Variants in PTPRD observed in about 807,000 individuals in gnomAD.
The protein encoded by PTPRD is protein tyrosine phosphatase receptor type D.
PTPRD carries 34 observed loss-of-function variants against 214.5 expected under a neutral mutation model. That is an observed-to-expected ratio of 0.16 (90% CI 0.12 to 0.21). The LOEUF is 0.21. Ranked by LOEUF, PTPRD falls within the 10% of genes least tolerant of loss-of-function variation. The pLI is 1.00. For missense variants in PTPRD, 2,545 were observed against 2,398.7 expected (o/e 1.06, Z -1.27); for synonymous variants, 1,128 against 845.7 (o/e 1.33, Z -5.79).
At chr9:8,531,825 T>C (rs894965695) in intron 14 of PTPRD, among the ~76,000 whole-genome samples, 2 of 152,088 alleles carry the variant, frequency 1.3e-5, no homozygotes, top group Non-Finnish European at 2.9e-5. Flanking sequence ...TACTAAAGGC[T>C]CTTACCAAAG....
At chr9:9,631,262 G>C (rs2095584433) in intron 7 of PTPRD, among the ~76,000 whole-genome samples, 1 of 150,920 alleles carries the variant, frequency 6.6e-6, no homozygotes, top group African/African-American at 2.4e-5. Flanking sequence ...AGTGAGCTCT[G>C]GGTGGAGTAT....
chr9:9,417,398 G>A (rs1339671225), intron 8 of PTPRD, among the ~76,000 whole-genome samples: 1 of 152,012 alleles, frequency 6.6e-6, no homozygotes, highest in Non-Finnish European at 1.5e-5. Flanking sequence ...AAAAACCTTA[G>A]AGGTTTGTGT....
intron 4 of PTPRD, among the ~76,000 whole-genome samples, chr9:9,963,055 G>C (rs1018853812): frequency 5.3e-5 from 8 of 152,032 alleles, no homozygotes; most frequent in African/African-American, 1.9e-4. Context: ...CAAGCCTAGG[G>C]ATGTATAAGA....
intron 9 of PTPRD, among the ~76,000 whole-genome samples, chr9:9,233,907 T>C (rs907512476): frequency 1.3e-5 from 2 of 152,220 alleles, no homozygotes; most frequent in Non-Finnish European, 2.9e-5. Flanking sequence ...TGGCATTGAA[T>C]GTCTACAGCT....
At chr9:9,618,481 T>C (rs1031850018) in intron 7 of PTPRD, among the ~76,000 whole-genome samples, 6 of 152,118 alleles carry the variant, frequency 3.9e-5, no homozygotes, top group African/African-American at 1.4e-4. Flanking sequence ...GAACATGAGC[T>C]ATGGCAGTGA....
intron 9 of PTPRD, among the ~76,000 whole-genome samples, chr9:9,352,590 A>G (rs1455253884): frequency 6.6e-6 from 1 of 151,900 alleles, no homozygotes. Flanking sequence ...GTTAAGTTTT[A>G]TTTGTAAATC....
chr9:8,528,842 T>C (rs1224484989), intron 14 of PTPRD, 63 bp from the exon 15 acceptor site: 1 of 1,517,718 alleles, frequency 6.6e-7, no homozygotes, highest in Non-Finnish European at 9.1e-7. Flanking sequence ...ATTCAAGAGA[T>C]TCCCCAGAAA....
chr9:10,029,445 G>A (rs1207258289), intron 4 of PTPRD, among the ~76,000 whole-genome samples: 7 of 152,154 alleles, frequency 4.6e-5, no homozygotes, highest in Non-Finnish European at 1.0e-4. Flanking sequence ...TGGGAGGGAG[G>A]CTATACCCTG....
chr9:8,635,203 G>C (rs867556891), intron 13 of PTPRD, among the ~76,000 whole-genome samples: 9 of 150,948 alleles, frequency 6.0e-5, no homozygotes, highest in African/African-American at 1.9e-4. Context: ...GACTCTCATG[G>C]GGAATTAGGC....
intron 11 of PTPRD, among the ~76,000 whole-genome samples, chr9:8,737,645 T>G (rs1054481322): frequency 3.9e-5 from 6 of 152,228 alleles, no homozygotes; most frequent in Middle Eastern, 6.8e-3. Context: ...TTGATTTTTA[T>G]ATGTTCTGCT....
At chr9:8,992,999 T>C (rs2099383538) in intron 11 of PTPRD, among the ~76,000 whole-genome samples, 1 of 152,186 alleles carries the variant, frequency 6.6e-6, no homozygotes, top group Non-Finnish European at 1.5e-5. Context: ...ACATACAGTT[T>C]TGTCTTCCTG....
At chr9:8,808,472 T>C (rs1265286921) in intron 11 of PTPRD, among the ~76,000 whole-genome samples, 1 of 147,410 alleles carries the variant, frequency 6.8e-6, no homozygotes, top group East Asian at 2.0e-4. Flanking sequence ...CTTTTTTTTT[T>C]TTTTTTTTTT....
intron 10 of PTPRD, among the ~76,000 whole-genome samples, chr9:9,176,082 A>G (rs147680272): frequency 2.6e-5 from 4 of 152,282 alleles, no homozygotes; most frequent in South Asian, 2.1e-4. Context: ...TGCTACTCTT[A>G]TATTTCATCC....
intron 36 of PTPRD, among the ~76,000 whole-genome samples, chr9:8,396,851 G>A (rs1054242024): frequency 8.5e-5 from 13 of 152,194 alleles, no homozygotes; most frequent in African/African-American, 2.6e-4. Flanking sequence ...CAGGCTAAGT[G>A]CTATCTACCT....
rs145175506 is a variant in PTPRD at position 10,152,014 on chromosome 9, G to GT, written c.-544-118225dup. The stretch of plus-strand genomic sequence containing the variant: ...AGCTGCTATAAACACCTACGTATAG[G>GT]TTTTAGGGAATATGTTTGTATTTTA... On this transcript the variant is annotated intron_variant, in intron 3 of 45. Coordinates refer to ENST00000381196, the MANE Select transcript of PTPRD (RefSeq NM_002839.4). Among the ~76,000 whole-genome samples, 1,122 of 152,260 alleles carry GT rather than the reference G, an allele frequency of 7.4e-3. 13 individuals carry two copies. The highest frequency in any genetic ancestry group is 0.025 in the African/African-American group (1,038 of 41,562).
intron 4 of PTPRD, among the ~76,000 whole-genome samples, chr9:9,984,039 A>T (rs1423705245): frequency 6.6e-6 from 1 of 152,204 alleles, no homozygotes; most frequent in African/African-American, 2.4e-5. Flanking sequence ...AAGCAGTAGC[A>T]GTGATTGGAA....
At chr9:9,418,805 C>T (rs1447559126) in intron 8 of PTPRD, among the ~76,000 whole-genome samples, 2 of 151,812 alleles carry the variant, frequency 1.3e-5, no homozygotes, top group African/African-American at 4.8e-5. Flanking sequence ...AGCAATATCA[C>T]TATATTTGAA....
chr9:9,284,070 G>A (rs894818056), intron 9 of PTPRD, among the ~76,000 whole-genome samples: 5 of 151,602 alleles, frequency 3.3e-5, no homozygotes, highest in African/African-American at 9.7e-5. Flanking sequence ...CTAACACTAA[G>A]TAAACATTAT....
At chr9:8,726,306 C>G (rs2098556627) in intron 12 of PTPRD, among the ~76,000 whole-genome samples, 1 of 151,700 alleles carries the variant, frequency 6.6e-6, no homozygotes, top group African/African-American at 2.4e-5. Context: ...GGGTCAGGTA[C>G]AGCTGGGTGT....
Sources: gnomAD v4.1 joint callset for allele counts (sites outside exome capture counted in the v4.1 genomes callset) on GRCh38, gnomAD v4.1.1 for gene constraint, MANE v1.5 for transcripts, NCBI Gene and HGNC (gene_info 2026-07-23, HGNC 2026-07-21) for gene names.